KIF21A: variants seen among roughly 807,000 people sequenced by gnomAD.
KIF21A encodes the protein kinesin-like protein KIF21A.
A neutral mutation model predicts 202.9 loss-of-function variants in KIF21A; 114 were observed. The observed-to-expected ratio is 0.56, with a 90% CI of 0.48 to 0.66. The LOEUF is 0.66. KIF21A is among the 30% of genes least tolerant of loss of function. The pLI, the probability that KIF21A is intolerant of heterozygous loss-of-function variation, is 0.00. For synonymous variants in KIF21A, 667 were observed against 670.8 expected (o/e 0.99, Z 0.09); for missense variants, 1,677 against 1,994.9 (o/e 0.84, Z 3.04).
intron 15 of KIF21A, 139 bp from the exon 16 acceptor site, chr12:39,340,503 T>C: frequency 1.5e-6 from 1 of 660,698 alleles, no homozygotes; most frequent in South Asian, 1.8e-5. Flanking sequence ...CTTTCAATCA[T>C]TCTCTCTTTT....
chr12:39,344,509 T>C (rs1947722507), intron 12 of KIF21A, among the ~76,000 whole-genome samples: 1 of 152,196 alleles, frequency 6.6e-6, no homozygotes, highest in South Asian at 2.1e-4. Flanking sequence ...CAAATCACAT[T>C]ATACTTAAGT....
chr12:39,337,326 C>T, intron 16 of KIF21A, 123 bp from the exon 17 acceptor site: 7 of 706,496 alleles, frequency 9.9e-6, no homozygotes, highest in South Asian at 9.3e-5. Context: ...TGCAGTTTTG[C>T]TGCACGTTTA....
chr12:39,393,109 T>C (rs1214245621), intron 1 of KIF21A, among the ~76,000 whole-genome samples: 2 of 151,002 alleles, frequency 1.3e-5, no homozygotes, highest in Non-Finnish European at 3.0e-5. Flanking sequence ...CTTCTGAAGA[T>C]CCTTCAGCCC....
chr12:39,421,725 A>T lies in KIF21A; in HGVS notation c.44+21202T>A, dbSNP rs199909626. 3.4e-3 allele frequency among the ~76,000 whole-genome samples: 311 copies of T among 91,286 alleles called. 1 individual carries two copies. In the East Asian group the frequency reaches 0.057, roughly 17 times the overall value. The allele number at this position is 91,286 out of a possible 152,430, so 59.9% of individuals were successfully genotyped here. The stretch of plus-strand genomic sequence containing the variant: ...ATAAATAAATAAATATATATAATTT[A>T]TATATATATATATATATACACATAC... On this transcript the variant is annotated intron_variant, in intron 1 of 37. Transcript: ENST00000361418.
At chr12:39,439,263 C>A (rs1939238680) in intron 1 of KIF21A, among the ~76,000 whole-genome samples, 1 of 152,160 alleles carries the variant, frequency 6.6e-6, no homozygotes, top group Non-Finnish European at 1.5e-5. Context: ...ATGTATTCCT[C>A]ACATTTTTAA....
At chr12:39,336,543 C>G (rs1375521972) in intron 17 of KIF21A, among the ~76,000 whole-genome samples, 5 of 152,024 alleles carry the variant, frequency 3.3e-5, no homozygotes, top group Admixed American at 3.3e-4. Flanking sequence ...GTTGTTTTTA[C>G]TTTTTTCACA....
Position 39,357,374 on chromosome 12 carries a change from T to G in KIF21A, c.1279A>C (p.Met427Leu), listed in dbSNP as rs375541289. The change falls in exon 9 of 38, where the codon ATG becomes CTG. Residue 427 changes from methionine to leucine, a missense_variant. Transcript: ENST00000361418. ...AGGTTATTATTTTCAGTCTGTAGCA[T>G]AGCATTCTCATGAAACATGTCATTG... ...SINDMFHENAMLQTENNNLRV... is the reference protein window; with the variant it reads ...SINDMFHENALLQTENNNLRV... The G allele has an allele frequency of 1.2e-5, 20 of 1,614,142 alleles. No individual in the cohort carries two copies. The South Asian group carries it at 2.0e-4, about 16-fold the overall frequency.
intron 7 of KIF21A, among the ~76,000 whole-genome samples, chr12:39,361,922 TC>T (rs1449316350): frequency 2.0e-5 from 3 of 152,184 alleles, no homozygotes; most frequent in African/African-American, 7.2e-5. Flanking sequence ...CTCACACAAA[TC>T]TCATGTAAAA....
At chr12:39,305,263 G>A (rs1456293443) in intron 34 of KIF21A, among the ~76,000 whole-genome samples, 1 of 151,698 alleles carries the variant, frequency 6.6e-6, no homozygotes, top group Non-Finnish European at 1.5e-5. Context: ...CTACTCAGGA[G>A]GCTGAGGCAG....
chr12:39,341,545 AC>A lies in KIF21A; in HGVS notation c.1880del (p.Gly627ValfsTer34). 1 of 1,612,866 alleles carries A rather than the reference AC, an allele frequency of 6.2e-7. No homozygotes were observed. On this transcript the variant is annotated frameshift_variant, in exon 14 of 38. Transcript: ENST00000361418. LOFTEE classifies it high-confidence loss of function. Reference protein sequence around the residue: ...EEEEEDDIDGGESSDESDSES... With the variant: ...EEEEEDDIDGXESSDESDSES... ...CAGAATCTGATTCATCAGAACTTTCACCCCCATCAATGTCATCTTCCTCCTC... is the reference window on the plus strand; with the variant it reads ...CAGAATCTGATTCATCAGAACTTTCACCCCATCAATGTCATCTTCCTCCTC...
chr12:39,353,631 AT>A (rs1948562245), intron 10 of KIF21A, among the ~76,000 whole-genome samples: 2 of 152,138 alleles, frequency 1.3e-5, no homozygotes, highest in South Asian at 4.1e-4. Context: ...AACCATAATG[AT>A]CTATATTTTA....
chr12:39,436,047 G>C (rs962643515), intron 1 of KIF21A, among the ~76,000 whole-genome samples: 3 of 151,900 alleles, frequency 2.0e-5, no homozygotes, highest in African/African-American at 7.3e-5. Context: ...AGAGATCTTT[G>C]TTAGAATCAC....
At chr12:39,406,082 T>C (rs557440608) in intron 1 of KIF21A, among the ~76,000 whole-genome samples, 1 of 152,068 alleles carries the variant, frequency 6.6e-6, no homozygotes, top group Non-Finnish European at 1.5e-5. Flanking sequence ...CAACTAAAAT[T>C]TGAAGTAACA....
At chr12:39,305,545 T>C (rs780342989) in intron 34 of KIF21A, among the ~76,000 whole-genome samples, 57 of 152,152 alleles carry the variant, frequency 3.7e-4, no homozygotes, top group Non-Finnish European at 5.9e-4. Flanking sequence ...TCACCAGCTT[T>C]TTTCATTTTA....
intron 1 of KIF21A, among the ~76,000 whole-genome samples, chr12:39,375,097 A>T (rs1294207406): frequency 6.6e-6 from 1 of 152,130 alleles, no homozygotes; most frequent in Non-Finnish European, 1.5e-5. Flanking sequence ...AAATTCAGGA[A>T]ATGTCTTAAA....
At chr12:39,439,805 G>A (rs1393820634) in intron 1 of KIF21A, among the ~76,000 whole-genome samples, 1 of 152,060 alleles carries the variant, frequency 6.6e-6, no homozygotes, top group Non-Finnish European at 1.5e-5. Context: ...AATAAAAATT[G>A]TTCTCCCTAA....
At chr12:39,301,793 T>C in intron 36 of KIF21A, 114 bp from the exon 37 acceptor site, 1 of 903,564 alleles carries the variant, frequency 1.1e-6, no homozygotes. Context: ...TGGAATTGGC[T>C]GGAGAAAGTT....
chr12:39,418,776 A>G (rs1953995156), intron 1 of KIF21A, among the ~76,000 whole-genome samples: 1 of 152,192 alleles, frequency 6.6e-6, no homozygotes, highest in Non-Finnish European at 1.5e-5. Context: ...CAAATTACCA[A>G]AAATGTAGCA....
chr12:39,301,329 T>G (rs1301978551), intron 37 of KIF21A, 151 bp downstream of exon 37: 34 of 750,988 alleles, frequency 4.5e-5, no homozygotes, highest in Non-Finnish European at 7.0e-5. Flanking sequence ...CACATGTACA[T>G]CAGAAAATAT....
Sources: allele counts gnomAD v4.1 joint callset (sites outside exome capture counted in the v4.1 genomes callset), GRCh38; gene constraint gnomAD v4.1.1; transcripts MANE v1.5; gene names NCBI Gene and HGNC (gene_info 2026-07-23, HGNC 2026-07-21).